LILRB1: variants seen among roughly 807,000 people sequenced by gnomAD.
LILRB1 encodes leukocyte immunoglobulin like receptor B1, also known as leukocyte immunoglobulin-like receptor subfamily B member 1.
Under a neutral mutation model 74.6 loss-of-function variants are expected in LILRB1, and 59 were observed. The observed-to-expected ratio is 0.79, with a 90% CI of 0.64 to 0.98. The LOEUF (loss-of-function observed/expected upper bound fraction) is 0.98, where lower values mean the gene tolerates loss of function less well. Among genes scored for constraint, LILRB1 ranks in the 50% least tolerant of loss-of-function variants. LILRB1 has a pLI of 0.00. For missense variants in LILRB1, 804 were observed against 822.6 expected (o/e 0.98, Z 0.28); for synonymous variants, 328 against 333.9 (o/e 0.98, Z 0.19).
At chr19:54,629,116 T>C (rs1350725512), upstream of LILRB1, among the ~76,000 whole-genome samples, 2 of 152,172 alleles carry the variant, frequency 1.3e-5, no homozygotes, top group East Asian at 3.9e-4. Context: ...TCCTGGGGTC[T>C]CTTATATGCA....
chr19:54,623,357 AG>A (rs1355254302), intron 1 of LILRB1, among the ~76,000 whole-genome samples: 3 of 152,238 alleles, frequency 2.0e-5, no homozygotes, highest in African/African-American at 7.2e-5. Context: ...TGGTCTGTTT[AG>A]GGTTTCTATT....
At chr19:54,624,973 A>C in intron 1 of LILRB1, among the ~76,000 whole-genome samples, 1 of 127,508 alleles carries the variant, frequency 7.8e-6, no homozygotes, top group East Asian at 2.1e-4. Context: ...GGCACTGGAG[A>C]CTGGCAGCTG....
intron 1 of LILRB1, among the ~76,000 whole-genome samples, chr19:54,618,166 A>G (rs1383336069): frequency 2.0e-5 from 3 of 152,078 alleles, no homozygotes; most frequent in East Asian, 1.9e-4. Flanking sequence ...GAGATAGAAA[A>G]AAAAGAGGTT....
chr19:54,620,054 CA>C (rs140253774), intron 1 of LILRB1, among the ~76,000 whole-genome samples: 24 of 135,006 alleles, frequency 1.8e-4, no homozygotes, highest in Admixed American at 2.2e-4. Context: ...ATAGGTTTTG[CA>C]AAAAAAAAAG....
chr19:54,634,515 T>C (rs2064217354), intron 9 of LILRB1, 126 bp from the exon 10 acceptor site: 1 of 1,525,458 alleles, frequency 6.6e-7, no homozygotes, highest in African/African-American at 1.4e-5. Flanking sequence ...GTGGGGTGGA[T>C]GTTTCTGTGC....
intron 1 of LILRB1, among the ~76,000 whole-genome samples, chr19:54,620,186 CTG>C (rs2063418792): frequency 6.6e-6 from 1 of 151,882 alleles, no homozygotes; most frequent in East Asian, 1.9e-4. Flanking sequence ...ACTCTGAGAC[CTG>C]TGATTACCAA....
upstream of LILRB1, among the ~76,000 whole-genome samples, chr19:54,627,472 C>T (rs1377440639): frequency 6.6e-6 from 1 of 151,648 alleles, no homozygotes; most frequent in African/African-American, 2.4e-5. Flanking sequence ...AGAGCTGCTT[C>T]TAAGGACTTT....
upstream of LILRB1, among the ~76,000 whole-genome samples, chr19:54,616,626 T>C (rs2063318613): frequency 6.6e-6 from 1 of 152,182 alleles, no homozygotes; most frequent in Non-Finnish European, 1.5e-5. Flanking sequence ...CTATTTCTTT[T>C]TCTTTCTAGG....
intron 1 of LILRB1, among the ~76,000 whole-genome samples, chr19:54,625,024 G>A (rs1218050129): frequency 7.3e-6 from 1 of 136,090 alleles, no homozygotes; most frequent in African/African-American, 2.6e-5. Flanking sequence ...CTGAAGAAGT[G>A]TCACTCGGTT....
At chr19:54,633,486 A>C in intron 7 of LILRB1, 152 bp from the exon 8 acceptor site, 1 of 1,190,540 alleles carries the variant, frequency 8.4e-7, no homozygotes, top group South Asian at 1.5e-5. Context: ...AGGCCTGCCC[A>C]CCCTCAGTGG....
At chr19:54,631,368 G>T (rs866320442) in intron 3 of LILRB1, 62 bp downstream of exon 3, 7 of 1,613,314 alleles carry the variant, frequency 4.3e-6, no homozygotes, top group Non-Finnish European at 5.1e-6. Context: ...GGCCACCCCC[G>T]TGCCGCTGGG....
At chr19:54,623,828 G>A (rs2063512744) in intron 1 of LILRB1, among the ~76,000 whole-genome samples, 1 of 152,200 alleles carries the variant, frequency 6.6e-6, no homozygotes, top group Non-Finnish European at 1.5e-5. Context: ...TTTTCATTTG[G>A]ATGGGATTTG....
chr19:54,636,449 G>A (rs369089450), intron 13 of LILRB1, 45 bp from the exon 14 acceptor site: 206 of 1,603,764 alleles, frequency 1.3e-4, no homozygotes, highest in East Asian at 5.4e-4. Flanking sequence ...GACTCCAGGG[G>A]GTCAGGAGGA....
intron 12 of LILRB1, 38 bp from the exon 13 acceptor site, chr19:54,635,519 C>G: frequency 6.3e-7 from 1 of 1,594,040 alleles, no homozygotes; most frequent in Non-Finnish European, 8.5e-7. Flanking sequence ...TCCCAGGGAA[C>G]CTTCCCAAGA....
chr19:54,636,222 C>A, intron 13 of LILRB1: 2 of 626,618 alleles, frequency 3.2e-6, no homozygotes, highest in East Asian at 2.9e-5. Flanking sequence ...CGAGCCCCTG[C>A]AGGCAGAGGA....
At chr19:54,627,893 C>G (rs1366519039), upstream of LILRB1, among the ~76,000 whole-genome samples, 1 of 152,096 alleles carries the variant, frequency 6.6e-6, no homozygotes, top group African/African-American at 2.4e-5. Flanking sequence ...TCCCCAGTGC[C>G]GTAAACAAAT....
Position 54,631,268 on chromosome 19 carries a change from C to A in LILRB1, c.35-3C>A, listed in dbSNP as rs1202048196. 6.2e-7 allele frequency: 1 copy of A among 1,613,620 alleles called. No homozygotes were observed. The highest frequency in any genetic ancestry group is 1.3e-5 in the African/African-American group (1 of 75,016). On this transcript the variant is annotated splice_region_variant and splice_polypyrimidine_tract_variant and intron_variant, in intron 2 of 14. Transcript: ENST00000324602. ...AAATCCCTCACCGGGAACTCTCTTC[C>A]AGGGCTGAGTCTGGGCCCCCGGACC...
intron 1 of LILRB1, among the ~76,000 whole-genome samples, chr19:54,621,499 T>G (rs1439403700): frequency 6.6e-6 from 1 of 151,136 alleles, no homozygotes; most frequent in Non-Finnish European, 1.5e-5. Context: ...GTTGATGGTC[T>G]TTACTCAGTT....
In LILRB1 at chr19:54,633,289, C is replaced by T. The variant is rs2064080073; in HGVS notation, c.1232C>T (p.Pro411Leu). ...TCCAAACCCTACCTGCTGACTCACC[C>T]CAGTGACCCCCTGGAGCTCGTGGTC... Reference protein sequence around the residue: ...QSSKPYLLTHPSDPLELVVSG... With the variant: ...QSSKPYLLTHLSDPLELVVSG... Residue 411 changes from proline to leucine, a missense_variant, in exon 7 of 15, where the codon CCC (proline) becomes CTC (leucine). By Grantham distance (98) the Pro-to-Leu change is moderately conservative. Coordinates refer to ENST00000324602, the MANE Select transcript of LILRB1 (RefSeq NM_001081637.3). 6.2e-7 allele frequency: 1 copy of T among 1,614,104 alleles called. No individual in the cohort carries two copies. Among genetic ancestry groups the T allele is most frequent in the Non-Finnish European group, 8.5e-7 (1 of 1,179,960 alleles).
Sources: gnomAD v4.1 joint callset for allele counts (sites outside exome capture counted in the v4.1 genomes callset) on GRCh38, gnomAD v4.1.1 for gene constraint, MANE v1.5 for transcripts, NCBI Gene and HGNC (gene_info 2026-07-23, HGNC 2026-07-21) for gene names.